The following CDH13 variants were observed in gnomAD, a reference collection of about 807,000 sequenced individuals.
CDH13 encodes the protein cadherin-13.
A neutral mutation model predicts 63.8 loss-of-function variants in CDH13; 24 were observed. The ratio of observed to expected loss-of-function variants is 0.38; its 90% confidence interval spans 0.27 to 0.53. The LOEUF (loss-of-function observed/expected upper bound fraction) is 0.53. CDH13 is among the 20% of genes least tolerant of loss of function. The probability of loss-of-function intolerance (pLI) is 0.85; values close to 1 mark genes in which losing one functional copy is unlikely to be tolerated. For synonymous variants in CDH13, 503 were observed against 355.3 expected, an observed-to-expected ratio of 1.42 and a Z score of -4.67; for missense variants, 1,049 against 903.1, an observed-to-expected ratio of 1.16 and a Z score of -2.07.
intron 3 of CDH13, among the ~76,000 whole-genome samples, chr16:83,095,259 C>A (rs938612784): frequency 1.3e-5 from 2 of 152,124 alleles, no homozygotes; most frequent in African/African-American, 4.8e-5. Context: ...TCACTGTTCC[C>A]AAAACTTTCA....
At chr16:83,374,838 C>G (rs1339672622) in intron 6 of CDH13, among the ~76,000 whole-genome samples, 1 of 152,184 alleles carries the variant, frequency 6.6e-6, no homozygotes, top group Non-Finnish European at 1.5e-5. Flanking sequence ...TATACTGCTT[C>G]CATATGAGCC....
At chr16:82,864,783 G>A (rs1262250548) in intron 2 of CDH13, among the ~76,000 whole-genome samples, 1 of 152,086 alleles carries the variant, frequency 6.6e-6, no homozygotes, top group Non-Finnish European at 1.5e-5. Flanking sequence ...ATTCTCAACA[G>A]TTCCCGAAAG....
intron 2 of CDH13, among the ~76,000 whole-genome samples, chr16:82,886,465 T>C (rs758790067): frequency 3.5e-4 from 54 of 152,214 alleles, no homozygotes; most frequent in Non-Finnish European, 7.3e-4. Context: ...ATTAACTTGT[T>C]TTTATTTGAT....
chr16:82,862,822 G>A (rs554761195), intron 2 of CDH13, among the ~76,000 whole-genome samples: 5 of 152,300 alleles, frequency 3.3e-5, no homozygotes, highest in Admixed American at 3.3e-4. Context: ...GCTCTCCTGG[G>A]TAACTCTCCT....
At chr16:83,537,318 G>C (rs1231109275) in intron 7 of CDH13, among the ~76,000 whole-genome samples, 1 of 152,198 alleles carries the variant, frequency 6.6e-6, no homozygotes, top group African/African-American at 2.4e-5. Flanking sequence ...ACAAAAATTT[G>C]TCCTGCTATA....
chr16:82,832,565 A>T (rs1035612857), intron 1 of CDH13, among the ~76,000 whole-genome samples: 2 of 151,338 alleles, frequency 1.3e-5, no homozygotes, highest in African/African-American at 2.4e-5. Flanking sequence ...ATCCACAGTT[A>T]TAATTAGATT....
chr16:83,414,508 G>T (rs1219689297), intron 6 of CDH13, among the ~76,000 whole-genome samples: 1 of 152,136 alleles, frequency 6.6e-6, no homozygotes, highest in Non-Finnish European at 1.5e-5. Context: ...TTGTATGGCA[G>T]ATTGCTAGAA....
chr16:83,157,525 T>A (rs1480652476), intron 4 of CDH13, among the ~76,000 whole-genome samples: 1 of 152,146 alleles, frequency 6.6e-6, no homozygotes, highest in Non-Finnish European at 1.5e-5. Context: ...TCACATCATT[T>A]AAGGGAACTA....
Position 82,946,101 on chromosome 16 carries a change from C to G in CDH13, c.158-85909C>G, listed in dbSNP as rs150449388. 6.0e-3 allele frequency among the ~76,000 whole-genome samples: 911 copies of G among 151,964 alleles called. 12 individuals carry two copies. Among genetic ancestry groups the G allele is most frequent in the African/African-American group, 0.021 (850 of 41,448 alleles). On this transcript the variant is annotated intron_variant, in intron 2 of 13. Coordinates refer to ENST00000567109, the MANE Select transcript of CDH13 (RefSeq NM_001257.5). Reference sequence around the variant, plus strand: ...TCTTGAGGGGACAGTATAAGTCTTTCTGATCTTTTGCCCTCCCCTGTGTCT... The same window carrying G: ...TCTTGAGGGGACAGTATAAGTCTTTGTGATCTTTTGCCCTCCCCTGTGTCT...
intron 5 of CDH13, among the ~76,000 whole-genome samples, chr16:83,234,840 A>AC (rs2040099082): frequency 6.6e-6 from 1 of 152,196 alleles, no homozygotes; most frequent in Admixed American, 6.5e-5. Context: ...ATAGTGAAAG[A>AC]ACCAAATGAC....
intron 2 of CDH13, among the ~76,000 whole-genome samples, chr16:82,898,225 A>G (rs1460147125): frequency 2.0e-5 from 3 of 152,266 alleles, no homozygotes; most frequent in Admixed American, 6.5e-5. Context: ...GTGACATTAG[A>G]CAATTAAAAA....
intron 3 of CDH13, among the ~76,000 whole-genome samples, chr16:83,107,438 A>G (rs991264185): frequency 2.6e-5 from 4 of 152,206 alleles, no homozygotes; most frequent in African/African-American, 4.8e-5. Flanking sequence ...TGAGAAAAAA[A>G]TCCACCTTGG....
chr16:83,539,729 G>A (rs765186591), intron 7 of CDH13, among the ~76,000 whole-genome samples: 1 of 152,186 alleles, frequency 6.6e-6, no homozygotes, highest in Non-Finnish European at 1.5e-5. Context: ...CATAGATGAA[G>A]CAATTGCAGC....
At chr16:83,360,192 G>C (rs952354645) in intron 6 of CDH13, among the ~76,000 whole-genome samples, 17 of 152,342 alleles carry the variant, frequency 1.1e-4, no homozygotes, top group Non-Finnish European at 2.5e-4. Flanking sequence ...GCTTTAGCTT[G>C]TGCAGATGAA....
chr16:83,353,377 G>A (rs1029160858), intron 6 of CDH13, among the ~76,000 whole-genome samples: 9 of 151,580 alleles, frequency 5.9e-5, no homozygotes, highest in Non-Finnish European at 1.2e-4. Flanking sequence ...CCACCCTGAT[G>A]GGCACCATTG....
intron 8 of CDH13, among the ~76,000 whole-genome samples, chr16:83,607,320 T>A (rs888391264): frequency 6.6e-6 from 1 of 151,978 alleles, no homozygotes; most frequent in Non-Finnish European, 1.5e-5. Flanking sequence ...CTTGGGAGGC[T>A]TAGGCAGGAG....
chr16:82,734,940 C>G (rs1310794757), intron 1 of CDH13, among the ~76,000 whole-genome samples: 2 of 152,162 alleles, frequency 1.3e-5, no homozygotes, highest in African/African-American at 2.4e-5. Flanking sequence ...GGGCACATCA[C>G]AATGTCCAGC....
chr16:82,996,153 G>A (rs1373268875), intron 2 of CDH13, among the ~76,000 whole-genome samples: 1 of 152,072 alleles, frequency 6.6e-6, no homozygotes. Flanking sequence ...GGAAAAAAAG[G>A]CAATTAGTTA....
intron 2 of CDH13, among the ~76,000 whole-genome samples, chr16:82,874,518 G>A (rs1373234792): frequency 1.3e-5 from 2 of 151,656 alleles, no homozygotes; most frequent in Non-Finnish European, 1.5e-5. Flanking sequence ...GATTGTCAGC[G>A]ATCCAGGCTT....
Sources: allele counts gnomAD v4.1 joint callset (sites outside exome capture counted in the v4.1 genomes callset), GRCh38; gene constraint gnomAD v4.1.1; transcripts MANE v1.5; gene names NCBI Gene and HGNC (gene_info 2026-07-23, HGNC 2026-07-21).